MAF: variants seen among roughly 807,000 people sequenced by gnomAD.
The protein encoded by MAF is MAF bZIP transcription factor, also known as transcription factor Maf.
In MAF, 10 loss-of-function variants were observed where a neutral mutation model predicts 22.0. The observed-to-expected ratio is 0.45, with a 90% CI of 0.28 to 0.77. The LOEUF is 0.77. MAF is among the 30% of genes least tolerant of loss of function. MAF has a pLI of 0.12. For missense variants in MAF, 544 were observed against 548.4 expected, an observed-to-expected ratio of 0.99 and a Z score of 0.08; for synonymous variants, 337 against 255.8, an observed-to-expected ratio of 1.32 and a Z score of -3.03.
chr16:79,401,912 A>G, the MAF span, among the ~76,000 whole-genome samples: 6 of 152,170 alleles, frequency 3.9e-5, no homozygotes, highest in Non-Finnish European at 8.8e-5. Context: ...TGCCCCTGCC[A>G]TCAGTCAGCT....
the MAF span, among the ~76,000 whole-genome samples, chr16:79,421,281 T>C: frequency 6.6e-6 from 1 of 152,224 alleles, no homozygotes; most frequent in Non-Finnish European, 1.5e-5. Context: ...GTGCAGTCTA[T>C]GGGACTGACA....
the MAF span, among the ~76,000 whole-genome samples, chr16:79,449,672 A>G: frequency 5.3e-5 from 8 of 152,280 alleles, no homozygotes; most frequent in East Asian, 1.5e-3. Flanking sequence ...CCACCAACCT[A>G]TTTAGTGATG....
At chr16:79,540,182 A>T in the MAF span, among the ~76,000 whole-genome samples, 1 of 151,848 alleles carries the variant, frequency 6.6e-6, no homozygotes, top group Non-Finnish European at 1.5e-5. Context: ...TAAAGGAATG[A>T]GGTGGGATTA....
chr16:79,244,016 ACC>A, the MAF span, among the ~76,000 whole-genome samples: 322 of 152,060 alleles, frequency 2.1e-3, 6 homozygotes, highest in Non-Finnish European at 3.2e-3. Context: ...AAATTCAACA[ACC>A]CTTCATGCTA....
chr16:79,420,407 G>A, the MAF span, among the ~76,000 whole-genome samples: 2 of 152,212 alleles, frequency 1.3e-5, no homozygotes, highest in Non-Finnish European at 2.9e-5. Flanking sequence ...CCCTTCCCAC[G>A]CCAAAAAAAC....
intron 1 of MAF, chr16:79,598,547 A>T: frequency 7.0e-7 from 1 of 1,425,746 alleles, no homozygotes; most frequent in Non-Finnish European, 9.2e-7. Context: ...AGTTTAAAAC[A>T]GCCACCACCA....
the MAF span, among the ~76,000 whole-genome samples, chr16:79,216,762 G>T: frequency 6.6e-6 from 1 of 151,116 alleles, no homozygotes; most frequent in Admixed American, 6.6e-5. Flanking sequence ...ATATATGTGT[G>T]TATTTGTAGT....
At chr16:79,371,540 C>T in the MAF span, among the ~76,000 whole-genome samples, 2 of 152,202 alleles carry the variant, frequency 1.3e-5, no homozygotes, top group African/African-American at 4.8e-5. Flanking sequence ...TTCCAAATCG[C>T]CTTCTAGGCA....
At chr16:79,272,443 C>G in the MAF span, among the ~76,000 whole-genome samples, 1 of 152,220 alleles carries the variant, frequency 6.6e-6, no homozygotes. Flanking sequence ...GCGTGTGACT[C>G]TACGGCCAAA....
At chr16:79,291,191 C>A in the MAF span, among the ~76,000 whole-genome samples, 1 of 152,194 alleles carries the variant, frequency 6.6e-6, no homozygotes. Flanking sequence ...TCTCTTCCCT[C>A]TCCTACAGAG....
chr16:79,479,732 C>T, the MAF span, among the ~76,000 whole-genome samples: 17 of 152,322 alleles, frequency 1.1e-4, no homozygotes, highest in African/African-American at 3.8e-4. Context: ...AGGAAGGAAC[C>T]AGACTACTAC....
the MAF span, among the ~76,000 whole-genome samples, chr16:79,471,596 C>T: frequency 6.6e-6 from 1 of 152,172 alleles, no homozygotes; most frequent in African/African-American, 2.4e-5. Flanking sequence ...AGGATGGCTC[C>T]AGCCCTGGAA....
At chr16:79,523,297 G>A in the MAF span, among the ~76,000 whole-genome samples, 1 of 152,160 alleles carries the variant, frequency 6.6e-6, no homozygotes, top group East Asian at 1.9e-4. Flanking sequence ...ATTCTCTAGG[G>A]TGAACAGAAT....
At chr16:79,486,456 A>G in the MAF span, among the ~76,000 whole-genome samples, 3 of 151,924 alleles carry the variant, frequency 2.0e-5, no homozygotes, top group African/African-American at 7.3e-5. Flanking sequence ...CACATCTAAA[A>G]CATAAACATA....
the MAF span, among the ~76,000 whole-genome samples, chr16:79,328,154 T>G: frequency 1.3e-5 from 2 of 152,188 alleles, no homozygotes; most frequent in African/African-American, 4.8e-5. Flanking sequence ...TGACATAGGG[T>G]AGGTGCCTAG....
chr16:79,234,811 G>C, the MAF span, among the ~76,000 whole-genome samples: 1 of 152,106 alleles, frequency 6.6e-6, no homozygotes, highest in Non-Finnish European at 1.5e-5. Flanking sequence ...ATCTGATTCA[G>C]CCACCTGAGT....
At chr16:79,538,870 GAAAAGAAA>G in the MAF span, among the ~76,000 whole-genome samples, 1 of 31,190 alleles carries the variant, frequency 3.2e-5, no homozygotes, top group Non-Finnish European at 8.3e-5. Flanking sequence ...GAAAAGAAAA[GAAAAGAAA>G]GAAAGAAAGA....
At chr16:79,335,354 C>T in the MAF span, among the ~76,000 whole-genome samples, 3 of 151,906 alleles carry the variant, frequency 2.0e-5, no homozygotes, top group Admixed American at 6.5e-5. Flanking sequence ...GTACTATGGC[C>T]GACCAGCCTG....
At chr16:79,426,957 G>A in the MAF span, among the ~76,000 whole-genome samples, 3 of 152,262 alleles carry the variant, frequency 2.0e-5, no homozygotes, top group Admixed American at 6.5e-5. Flanking sequence ...GAATCAAACC[G>A]CACCTGAAGC....
Sources: allele counts gnomAD v4.1 joint callset (sites outside exome capture counted in the v4.1 genomes callset), GRCh38; gene constraint gnomAD v4.1.1; transcripts MANE v1.5; gene names NCBI Gene and HGNC (gene_info 2026-07-23, HGNC 2026-07-21).